SUMF1: variants seen among roughly 807,000 people sequenced by gnomAD.
SUMF1 encodes sulfatase modifying factor 1.
In SUMF1, 48 loss-of-function variants were observed where a neutral mutation model predicts 47.6. That is an observed-to-expected ratio of 1.01 (90% CI 0.80 to 1.28). SUMF1 has a LOEUF of 1.28. Ranked by LOEUF, SUMF1 falls within the 50% of genes most tolerant of loss-of-function variation. The probability of loss-of-function intolerance (pLI) is 0.00; values close to 1 mark genes in which losing one functional copy is unlikely to be tolerated. For missense variants in SUMF1, 571 were observed against 485.4 expected (o/e 1.18, Z -1.66); for synonymous variants, 230 against 192.1 (o/e 1.20, Z -1.63).
intron 8 of SUMF1, among the ~76,000 whole-genome samples, chr3:4,085,952 T>A (rs530155004): frequency 1.4e-4 from 21 of 152,132 alleles, no homozygotes; most frequent in Admixed American, 1.3e-3. Flanking sequence ...TAGTCTAGCA[T>A]GAAAAGTGTA....
At position 4,399,804 on chromosome 3, in the gene SUMF1, C is replaced by T. The variant is rs574868023; in HGVS notation, c.954+11061G>A. On this transcript the variant is annotated intron_variant, in intron 7 of 8. Transcript: ENST00000272902. ...ACAGAGTCTCGCTCTGCCATCTAGC[C>T]TGAAGTGCAGTAGCGCGATCTCGGC... 3.3e-5 allele frequency among the ~76,000 whole-genome samples: 5 copies of T among 152,266 alleles called. No individual in the cohort carries two copies. The East Asian group carries it at 9.6e-4, about 29-fold the overall frequency.
intron 8 of SUMF1, among the ~76,000 whole-genome samples, chr3:4,173,548 TA>T (rs1559535375): frequency 6.6e-6 from 1 of 152,212 alleles, no homozygotes; most frequent in East Asian, 1.9e-4. Flanking sequence ...CAAAGGGTTA[TA>T]AATCATTCTG....
At chr3:4,123,026 A>G (rs1693579517) in intron 8 of SUMF1, among the ~76,000 whole-genome samples, 1 of 152,222 alleles carries the variant, frequency 6.6e-6, no homozygotes, top group Non-Finnish European at 1.5e-5. Context: ...TACTTTAGGT[A>G]AGACAGAAGT....
chr3:4,326,940 A>T (rs1450156469), intron 8 of SUMF1, among the ~76,000 whole-genome samples: 1 of 152,212 alleles, frequency 6.6e-6, no homozygotes, highest in Non-Finnish European at 1.5e-5. Flanking sequence ...CTCCAATTAT[A>T]GCCTATTCCA....
At chr3:4,269,583 C>T (rs1351220919) in intron 8 of SUMF1, among the ~76,000 whole-genome samples, 2 of 152,152 alleles carry the variant, frequency 1.3e-5, no homozygotes, top group Non-Finnish European at 2.9e-5. Context: ...GGCAGCACTA[C>T]AGGACAGAGG....
intron 8 of SUMF1, among the ~76,000 whole-genome samples, chr3:4,235,341 T>C (rs532225698): frequency 1.0e-3 from 154 of 152,160 alleles, no homozygotes; most frequent in African/African-American, 3.6e-3. Flanking sequence ...TAAGGATAAA[T>C]ACAGTTTTGA....
chr3:4,345,363 C>T (rs544715916), intron 8 of SUMF1, among the ~76,000 whole-genome samples: 4 of 152,178 alleles, frequency 2.6e-5, no homozygotes, highest in African/African-American at 9.7e-5. Flanking sequence ...AGCCAGAAGA[C>T]AGTGGGGGCC....
At chr3:4,188,149 C>T (rs1329743772) in intron 8 of SUMF1, among the ~76,000 whole-genome samples, 2 of 151,276 alleles carry the variant, frequency 1.3e-5, no homozygotes, top group African/African-American at 2.4e-5. Flanking sequence ...ATCATAATCT[C>T]CCAAAGTCCA....
chr3:4,399,514 G>A (rs752918926), intron 7 of SUMF1, among the ~76,000 whole-genome samples: 18 of 152,292 alleles, frequency 1.2e-4, no homozygotes, highest in South Asian at 4.1e-4. Context: ...ATTAATCTTT[G>A]CTTACAGCCA....
chr3:4,293,920 T>C (rs576917609), intron 8 of SUMF1, among the ~76,000 whole-genome samples: 1 of 152,310 alleles, frequency 6.6e-6, no homozygotes, highest in African/African-American at 2.4e-5. Flanking sequence ...AGAAGAAAAG[T>C]AGTCTCTGAA....
At chr3:4,147,799 A>G (rs1434914475) in intron 8 of SUMF1, among the ~76,000 whole-genome samples, 2 of 152,138 alleles carry the variant, frequency 1.3e-5, no homozygotes, top group Non-Finnish European at 2.9e-5. Context: ...CAGAATGATC[A>G]TATCAATCGG....
chr3:4,148,630 T>A (rs1035526994), intron 8 of SUMF1, among the ~76,000 whole-genome samples: 7 of 152,178 alleles, frequency 4.6e-5, no homozygotes, highest in African/African-American at 1.7e-4. Context: ...CTACAACTCA[T>A]CTCTGACATT....
intron 8 of SUMF1, among the ~76,000 whole-genome samples, chr3:4,329,711 T>C (rs1699013229): frequency 6.6e-6 from 1 of 152,180 alleles, no homozygotes; most frequent in African/African-American, 2.4e-5. Context: ...AACACTTGGC[T>C]CCTCATTACT....
intron 8 of SUMF1, among the ~76,000 whole-genome samples, chr3:4,122,890 C>T (rs34454229): frequency 0.081 from 12,289 of 152,180 alleles, 678 homozygotes; most frequent in South Asian, 0.22. Flanking sequence ...GTGTGGCTGA[C>T]GTTGCAACAC....
intron 8 of SUMF1, among the ~76,000 whole-genome samples, chr3:4,081,042 G>A (rs957771419): frequency 6.6e-6 from 1 of 152,128 alleles, no homozygotes; most frequent in Non-Finnish European, 1.5e-5. Flanking sequence ...CACATTAAGC[G>A]TTTAGCCCAG....
At chr3:4,385,551 G>A (rs929485425) in intron 7 of SUMF1, among the ~76,000 whole-genome samples, 10 of 152,062 alleles carry the variant, frequency 6.6e-5, no homozygotes, top group Non-Finnish European at 4.4e-5. Flanking sequence ...TATGGGTTGC[G>A]AATATTTTCT....
At chr3:4,265,052 G>A (rs1402735176) in intron 8 of SUMF1, among the ~76,000 whole-genome samples, 3 of 149,018 alleles carry the variant, frequency 2.0e-5, no homozygotes, top group African/African-American at 5.0e-5. Flanking sequence ...CAGGAGAATC[G>A]CTTGAACCCG....
chr3:4,035,289 G>A (rs1023162384), intron 9 of SUMF1, among the ~76,000 whole-genome samples: 3 of 152,120 alleles, frequency 2.0e-5, no homozygotes, highest in Non-Finnish European at 4.4e-5. Flanking sequence ...TGTTGGTAGG[G>A]CTAGATTCCA....
intron 8 of SUMF1, among the ~76,000 whole-genome samples, chr3:4,151,049 G>T (rs551462479): frequency 6.6e-6 from 1 of 151,386 alleles, no homozygotes; most frequent in African/African-American, 2.5e-5. Context: ...CTTCAACAGA[G>T]GATTAACGTC....
Sources: gnomAD v4.1 joint callset for allele counts (sites outside exome capture counted in the v4.1 genomes callset) on GRCh38, gnomAD v4.1.1 for gene constraint, MANE v1.5 for transcripts, NCBI Gene and HGNC (gene_info 2026-07-23, HGNC 2026-07-21) for gene names.